The following CBLB variants were observed in gnomAD, a reference collection of about 807,000 sequenced individuals.
CBLB encodes the protein Cbl proto-oncogene B, also known as E3 ubiquitin-protein ligase CBL-B.
In CBLB, 31 loss-of-function variants were observed where a neutral mutation model predicts 104.9. The observed-to-expected ratio is 0.30, with a 90% confidence interval of 0.22 to 0.40. CBLB has a LOEUF of 0.40. Ranked by LOEUF, CBLB falls within the 10% of genes least tolerant of loss-of-function variation. The probability of loss-of-function intolerance (pLI) is 1.00; values close to 1 mark genes in which losing one functional copy is unlikely to be tolerated. For missense variants in CBLB, 1,062 were observed against 1,214.6 expected (o/e 0.87, Z 1.87); for synonymous variants, 440 against 422.6 (o/e 1.04, Z -0.51).
intron 3 of CBLB, among the ~76,000 whole-genome samples, chr3:105,845,345 A>G (rs1296057603): frequency 6.7e-6 from 1 of 149,740 alleles, no homozygotes; most frequent in Admixed American, 6.7e-5. Context: ...AGAAACCAGG[A>G]GTTGGGGGCT....
rs2063501875 is a variant in CBLB, at chr3:105,658,651, C to A, written c.*319G>T. 2.4e-6 allele frequency: 1 copy of A among 413,024 alleles called. No individual in the cohort carries two copies. The allele number at this position is 413,024 out of a possible 1,614,324, so 25.6% of individuals were successfully genotyped here. On this transcript the variant is annotated 3_prime_UTR_variant, in exon 19 of 19. Coordinates refer to ENST00000394030, the MANE Select transcript of CBLB (RefSeq NM_170662.5). ...AACAAAACTAAACTAAAAACAAGAA[C>A]AAACTGCAACTTTGCCAAACTGTAA...
chr3:105,743,882 C>T (rs2075859673), intron 6 of CBLB, among the ~76,000 whole-genome samples: 1 of 151,670 alleles, frequency 6.6e-6, no homozygotes, highest in Non-Finnish European at 1.5e-5. Context: ...TTATTTATTT[C>T]ATCATTAGCT....
In CBLB at chr3:105,665,058, A is replaced by C. The variant is rs568253584; in HGVS notation, c.2689+5175T>G. Among the ~76,000 whole-genome samples, 4 of 152,290 alleles carry C rather than the reference A, an allele frequency of 2.6e-5. No individual in the cohort carries two copies. The South Asian group carries it at 8.3e-4, about 32-fold the overall frequency. On this transcript the variant is annotated intron_variant, in intron 18 of 18. Coordinates refer to ENST00000394030, the MANE Select transcript of CBLB (RefSeq NM_170662.5). Reference sequence around the variant, plus strand: ...TACACTTTCTGCAGCAGCTTGAGTTAGTTACTAAACTTTGTTATGTCTTTC... The same window carrying C: ...TACACTTTCTGCAGCAGCTTGAGTTCGTTACTAAACTTTGTTATGTCTTTC...
intron 18 of CBLB, among the ~76,000 whole-genome samples, chr3:105,665,797 G>A (rs533588324): frequency 9.9e-5 from 15 of 151,482 alleles, no homozygotes; most frequent in East Asian, 9.7e-4. Context: ...TTGGGAGGCC[G>A]AGGTGGGCGG....
At chr3:105,691,406 T>C (rs1641479789) in intron 13 of CBLB, among the ~76,000 whole-genome samples, 1 of 152,222 alleles carries the variant, frequency 6.6e-6, no homozygotes, top group Non-Finnish European at 1.5e-5. Context: ...CCAACTGAAG[T>C]ATTAGAAAAA....
At chr3:105,843,985 T>C (rs142388203) in intron 3 of CBLB, among the ~76,000 whole-genome samples, 172 of 152,312 alleles carry the variant, frequency 1.1e-3, no homozygotes, top group African/African-American at 4.0e-3. Flanking sequence ...TGTTTCAAAA[T>C]AGCATCTTTG....
chr3:105,732,567 T>C (rs574753557), intron 9 of CBLB, among the ~76,000 whole-genome samples: 4 of 151,474 alleles, frequency 2.6e-5, no homozygotes, highest in Non-Finnish European at 4.4e-5. Flanking sequence ...AGAAAGGACT[T>C]TGAAAATATA....
intron 4 of CBLB, among the ~76,000 whole-genome samples, chr3:105,752,972 T>C (rs2076727165): frequency 6.6e-6 from 1 of 152,186 alleles, no homozygotes. Flanking sequence ...AATACAATTA[T>C]AGAAATAAAG....
In CBLB at chr3:105,687,301, C is replaced by T. The variant is rs16851443; in HGVS notation, c.2055-1835G>A. On this transcript the variant is annotated intron_variant, in intron 13 of 18. Coordinates refer to ENST00000394030, the MANE Select transcript of CBLB (RefSeq NM_170662.5). Reference sequence around the variant, plus strand: ...AGGTTCCCTCCAAAGATTTAAGTTTCCAAAGAAGCAGTTCATTATGAGTCA... The same window carrying T: ...AGGTTCCCTCCAAAGATTTAAGTTTTCAAAGAAGCAGTTCATTATGAGTCA... Among the ~76,000 whole-genome samples the T allele has an allele frequency of 6.1e-3, 923 of 152,160 alleles. 30 individuals are homozygous for T. The highest frequency in any genetic ancestry group is 0.051 in the East Asian group (262 of 5,174).
intron 7 of CBLB, among the ~76,000 whole-genome samples, chr3:105,737,795 A>G (rs979704073): frequency 2.0e-5 from 3 of 152,182 alleles, no homozygotes; most frequent in African/African-American, 7.2e-5. Context: ...ACACAAACAC[A>G]TGTGCACATA....
At chr3:105,661,967 G>C (rs1413089249) in intron 18 of CBLB, among the ~76,000 whole-genome samples, 1 of 152,144 alleles carries the variant, frequency 6.6e-6, no homozygotes, top group African/African-American at 2.4e-5. Flanking sequence ...ACTATAACAG[G>C]AATGCCAGAG....
At chr3:105,679,476 G>A (rs981549864) in intron 16 of CBLB, among the ~76,000 whole-genome samples, 3 of 151,802 alleles carry the variant, frequency 2.0e-5, no homozygotes, top group African/African-American at 7.2e-5. Flanking sequence ...AAACATAATG[G>A]CATATTTAAA....
intron 13 of CBLB, among the ~76,000 whole-genome samples, chr3:105,692,067 G>A (rs2067775723): frequency 2.6e-5 from 4 of 152,110 alleles, no homozygotes; most frequent in Admixed American, 2.0e-4. Flanking sequence ...GGGGGGCTGG[G>A]ATCTACCTTA....
chr3:105,854,305 T>A (rs2091321327), intron 2 of CBLB, among the ~76,000 whole-genome samples: 1 of 152,224 alleles, frequency 6.6e-6, no homozygotes, highest in Non-Finnish European at 1.5e-5. Context: ...GTTCAGGGGC[T>A]GCCTGCAGAA....
At chr3:105,852,756 T>G (rs982595374) in intron 3 of CBLB, among the ~76,000 whole-genome samples, 1 of 152,050 alleles carries the variant, frequency 6.6e-6, no homozygotes, top group Non-Finnish European at 1.5e-5. Flanking sequence ...TTTTTTTTTT[T>G]GTCCAGGCTG....
intron 4 of CBLB, among the ~76,000 whole-genome samples, chr3:105,756,262 A>G (rs908992544): frequency 6.6e-6 from 1 of 152,212 alleles, no homozygotes; most frequent in Non-Finnish European, 1.5e-5. Flanking sequence ...ACTATAGGAA[A>G]TAAGAAAATT....
At chr3:105,862,925 C>T (rs2153150122) in intron 2 of CBLB, among the ~76,000 whole-genome samples, 1 of 152,290 alleles carries the variant, frequency 6.6e-6, no homozygotes, top group East Asian at 1.9e-4. Context: ...CCACGTACTA[C>T]ATCTCAGCAC....
intron 3 of CBLB, among the ~76,000 whole-genome samples, chr3:105,795,061 G>T (rs753500020): frequency 2.0e-5 from 3 of 151,718 alleles, no homozygotes; most frequent in Non-Finnish European, 2.9e-5. Context: ...CTACAGACAC[G>T]CACCACCACG....
chr3:105,773,631 G>A (rs1398419415), intron 4 of CBLB, among the ~76,000 whole-genome samples: 1 of 152,004 alleles, frequency 6.6e-6, no homozygotes, highest in South Asian at 2.1e-4. Flanking sequence ...TATATTTTTC[G>A]AGCTTCATGC....
Sources: gnomAD v4.1 joint callset for allele counts (sites outside exome capture counted in the v4.1 genomes callset) on GRCh38, gnomAD v4.1.1 for gene constraint, MANE v1.5 for transcripts, NCBI Gene and HGNC (gene_info 2026-07-23, HGNC 2026-07-21) for gene names.